NDST4: variants seen among roughly 807,000 people sequenced by gnomAD.
NDST4 encodes N-deacetylase and N-sulfotransferase 4.
Under a neutral mutation model 100.8 loss-of-function variants are expected in NDST4, and 63 were observed. That is an observed-to-expected ratio of 0.62 (90% CI 0.51 to 0.77). The LOEUF (loss-of-function observed/expected upper bound fraction) is 0.77. Among genes scored for constraint, NDST4 ranks in the 30% least tolerant of loss-of-function variants. NDST4 has a pLI of 0.00. For synonymous variants in NDST4, 377 were observed against 361.8 expected, an observed-to-expected ratio of 1.04 and a Z score of -0.48; for missense variants, 943 against 1,018.4, an observed-to-expected ratio of 0.93 and a Z score of 1.01.
chr4:115,045,451 T>C (rs9307410), intron 2 of NDST4, among the ~76,000 whole-genome samples: 14,223 of 152,178 alleles, frequency 0.093, 2,032 homozygotes, highest in African/African-American at 0.31. Context: ...GAACTTATAC[T>C]TCAATTGAGT....
chr4:114,995,945 C>A (rs1336870881), intron 2 of NDST4, among the ~76,000 whole-genome samples: 6 of 152,066 alleles, frequency 3.9e-5, no homozygotes, highest in African/African-American at 1.4e-4. Context: ...ATGACTCATA[C>A]AAGTCATATG....
At position 115,069,517 on chromosome 4, in the gene NDST4, GTATA is replaced by G. The variant is rs527562346; in HGVS notation, c.978+6538_978+6541del. The stretch of plus-strand genomic sequence containing the variant: ...TGACATGAACAGACACTTTTCAAAA[GTATA>G]CATACATGCGGCCAACAAGCATATG... On this transcript the variant is annotated intron_variant, in intron 2 of 13. Coordinates refer to ENST00000264363, the MANE Select transcript of NDST4 (RefSeq NM_022569.3). Among the ~76,000 whole-genome samples, 225 of 152,250 alleles carry G rather than the reference GTATA, an allele frequency of 1.5e-3. 1 individual carries two copies. The highest frequency in any genetic ancestry group is 5.1e-3 in the African/African-American group (211 of 41,548).
chr4:114,853,288 G>T (rs1305328556), intron 7 of NDST4, among the ~76,000 whole-genome samples: 1 of 151,774 alleles, frequency 6.6e-6, no homozygotes, highest in Admixed American at 6.6e-5. Context: ...TATTCCCATG[G>T]TTTGGCCACA....
intron 2 of NDST4, 73 bp downstream of exon 2, chr4:115,075,986 A>G (rs1202830267): frequency 6.8e-7 from 1 of 1,477,808 alleles, no homozygotes; most frequent in Non-Finnish European, 9.1e-7. Flanking sequence ...TTAATAATCT[A>G]TCATATTAGT....
chr4:115,056,420 GAGTGATGATGATGTTGATAGAGCTAACTT>G (rs1429216351), intron 2 of NDST4, among the ~76,000 whole-genome samples: 3 of 152,124 alleles, frequency 2.0e-5, no homozygotes, highest in Non-Finnish European at 4.4e-5. Flanking sequence ...AATCATGTAA[GAGTGATGATGATGTTGATAGAGCTAACTT>G]AGTTTCAAAC....
rs112542619 is a variant in NDST4, at chr4:114,966,377, T to A, written c.1221+4053A>T. 7.4e-3 allele frequency among the ~76,000 whole-genome samples: 1,126 copies of A among 151,714 alleles called. 23 individuals are homozygous for A. Among genetic ancestry groups the A allele is most frequent in the African/African-American group, 0.025 (1,041 of 41,522 alleles). ...TCCAACATGATGAAATGTGGCAATG[T>A]GTTTCTCTCATGATTTTTAAACATA... On this transcript the variant is annotated intron_variant, in intron 4 of 13. Coordinates refer to ENST00000264363, the MANE Select transcript of NDST4 (RefSeq NM_022569.3).
chr4:114,978,070 C>G (rs17047534), intron 2 of NDST4, among the ~76,000 whole-genome samples: 3 of 151,912 alleles, frequency 2.0e-5, no homozygotes, highest in African/African-American at 4.8e-5. Context: ...AATTCAGAAC[C>G]CTTATATCCT....
intron 4 of NDST4, among the ~76,000 whole-genome samples, chr4:114,943,767 G>T (rs970109489): frequency 6.6e-6 from 1 of 152,128 alleles, no homozygotes; most frequent in South Asian, 2.1e-4. Context: ...CCTTGAGAGA[G>T]ACTTATTTTT....
intron 2 of NDST4, among the ~76,000 whole-genome samples, chr4:114,978,371 A>G (rs998960583): frequency 6.6e-6 from 1 of 151,990 alleles, no homozygotes; most frequent in Non-Finnish European, 1.5e-5. Context: ...TCTCCTGTAC[A>G]TTAGTTTAAT....
chr4:115,057,735 GAC>G (rs35061218), intron 2 of NDST4, among the ~76,000 whole-genome samples: 25,115 of 141,436 alleles, frequency 0.18, 2,572 homozygotes, highest in Non-Finnish European at 0.24. Flanking sequence ...CACACACACA[GAC>G]ACACACACAC....
At chr4:114,929,041 T>TCCGTCCGTCCGTCC (rs1560816896) in intron 6 of NDST4, among the ~76,000 whole-genome samples, 1 of 121,984 alleles carries the variant, frequency 8.2e-6, no homozygotes, top group Non-Finnish European at 1.8e-5. Context: ...TCTGTCTGTC[T>TCCGTCCGTCCGTCC]GTCCGTCCGT....
chr4:114,996,189 A>G (rs1284180129), intron 2 of NDST4, among the ~76,000 whole-genome samples: 1 of 152,034 alleles, frequency 6.6e-6, no homozygotes, highest in African/African-American at 2.4e-5. Flanking sequence ...TCATGGATGC[A>G]GTTTCCCCTA....
At chr4:115,024,570 C>A (rs1279153108) in intron 2 of NDST4, among the ~76,000 whole-genome samples, 5 of 152,040 alleles carry the variant, frequency 3.3e-5, no homozygotes, top group Admixed American at 6.6e-5. Context: ...AAGTAAATAA[C>A]TTGTTTTGAT....
At chr4:114,975,033 A>T (rs1726598766) in intron 3 of NDST4, among the ~76,000 whole-genome samples, 1 of 151,982 alleles carries the variant, frequency 6.6e-6, no homozygotes, top group Non-Finnish European at 1.5e-5. Context: ...TAAGGAATGC[A>T]CCTCCTTGAT....
At position 114,883,567 on chromosome 4, in the gene NDST4, G is replaced by A. The variant is rs557005183; in HGVS notation, c.1537-12617C>T. Among the ~76,000 whole-genome samples the A allele has an allele frequency of 1.8e-3, 280 of 152,148 alleles. 1 individual carries two copies. The highest frequency in any genetic ancestry group is 0.014 in the Middle Eastern group (4 of 294). ...GAGCAAATGCAAAAAGTAGAAAACA[G>A]TTACAACTGGTATAAATAATTCAAC... On this transcript the variant is annotated intron_variant, in intron 6 of 13. Transcript: ENST00000264363.
At chr4:115,027,073 G>A (rs927311329) in intron 2 of NDST4, among the ~76,000 whole-genome samples, 3 of 152,082 alleles carry the variant, frequency 2.0e-5, no homozygotes, top group African/African-American at 7.2e-5. Flanking sequence ...TTATCTATTG[G>A]AGTGTTCATG....
chr4:115,064,532 C>A (rs1421019408), intron 2 of NDST4, among the ~76,000 whole-genome samples: 2 of 151,988 alleles, frequency 1.3e-5, no homozygotes, highest in East Asian at 3.9e-4. Flanking sequence ...AAAAGGAGTT[C>A]CAAATTCCAA....
chr4:114,857,428 G>C (rs543061653), intron 7 of NDST4, among the ~76,000 whole-genome samples: 4 of 152,278 alleles, frequency 2.6e-5, no homozygotes, highest in African/African-American at 9.6e-5. Flanking sequence ...GGCTGATCCA[G>C]GGGCCACTTA....
intron 2 of NDST4, among the ~76,000 whole-genome samples, chr4:115,067,048 A>G (rs141659011): frequency 6.6e-6 from 1 of 152,306 alleles, no homozygotes; most frequent in Non-Finnish European, 1.5e-5. Flanking sequence ...CCACTGTCGA[A>G]TATCTTGGAT....
Sources: allele counts gnomAD v4.1 joint callset (sites outside exome capture counted in the v4.1 genomes callset), GRCh38; gene constraint gnomAD v4.1.1; transcripts MANE v1.5; gene names NCBI Gene and HGNC (gene_info 2026-07-23, HGNC 2026-07-21).